SH3PXD2B: variants seen among roughly 807,000 people sequenced by gnomAD.
SH3PXD2B encodes SH3 and PX domains 2B, also known as SH3 and PX domain-containing protein 2B.
A neutral mutation model predicts 73.1 loss-of-function variants in SH3PXD2B; 37 were observed. The ratio of observed to expected loss-of-function variants is 0.51; its 90% confidence interval spans 0.39 to 0.67. The LOEUF is 0.67. Ranked by LOEUF, SH3PXD2B falls within the 30% of genes least tolerant of loss-of-function variation. The pLI, the probability that SH3PXD2B is intolerant of heterozygous loss-of-function variation, is 0.00. For missense variants in SH3PXD2B, 1,053 were observed against 1,197.8 expected (o/e 0.88, Z 1.78); for synonymous variants, 457 against 480.5 (o/e 0.95, Z 0.64).
chr5:172,423,951 G>A (rs1204525299), intron 1 of SH3PXD2B, among the ~76,000 whole-genome samples: 2 of 152,086 alleles, frequency 1.3e-5, no homozygotes, highest in Non-Finnish European at 2.9e-5. Context: ...CCCGCCCTGG[G>A]ACTTTTGCTC....
At chr5:172,356,482 G>A (rs1757280989) in intron 8 of SH3PXD2B, among the ~76,000 whole-genome samples, 1 of 152,184 alleles carries the variant, frequency 6.6e-6, no homozygotes, top group Admixed American at 6.5e-5. Context: ...TTTTTAACCT[G>A]AGAAACTTTA....
chr5:172,443,703 T>C (rs1759599746), intron 1 of SH3PXD2B, among the ~76,000 whole-genome samples: 3 of 152,346 alleles, frequency 2.0e-5, no homozygotes, highest in African/African-American at 7.2e-5. Context: ...CACAGGCTGC[T>C]GATTCACACC....
chr5:172,348,482 A>C (rs1030473996), intron 10 of SH3PXD2B, among the ~76,000 whole-genome samples: 2 of 152,132 alleles, frequency 1.3e-5, no homozygotes, highest in African/African-American at 4.8e-5. Flanking sequence ...GATTGCCTGG[A>C]GCTGCCATAT....
rs1482694613 is a variant in SH3PXD2B at position 172,338,404 on chromosome 5, A to G, written c.2701T>C (p.Trp901Arg). Reference sequence around the variant, plus strand: ...TTTCTGAGATAGTTGGAAGGAATCCACCCTTCCCAGGAAGGGGCTCCGCTC... The same window carrying G: ...TTTCTGAGATAGTTGGAAGGAATCCGCCCTTCCCAGGAAGGGGCTCCGCTC... ...VLSGAPSWEG[W>R]IPSNYLRKKP Residue 901 changes from tryptophan (W) to arginine (R), a missense_variant, in exon 13 of 13, where the codon TGG (tryptophan) becomes CGG (arginine). Trp to Arg is a moderately radical substitution (Grantham distance 101, BLOSUM62 -3). This residue lies in a region of SH3PXD2B where 587 missense variants were observed against 590.7 expected (regional missense o/e 0.99). Coordinates refer to ENST00000311601, the MANE Select transcript of SH3PXD2B (RefSeq NM_001017995.3). The surrounding 1 kb of genome is among the most constrained non-coding windows in gnomAD (Gnocchi z 5.1). 6.2e-7 allele frequency: 1 copy of G among 1,614,068 alleles called. No homozygotes were observed. The highest frequency in any genetic ancestry group is 8.5e-7 in the Non-Finnish European group (1 of 1,179,990).
At chr5:172,416,056 G>A (rs1009155968) in intron 2 of SH3PXD2B, among the ~76,000 whole-genome samples, 3 of 152,176 alleles carry the variant, frequency 2.0e-5, no homozygotes, top group Non-Finnish European at 4.4e-5. Flanking sequence ...AGCCGGGCGC[G>A]GTGGCTCAGG....
chr5:172,333,807 T>C lies in SH3PXD2B; in HGVS notation c.*4562A>G, dbSNP rs1309560919. ...AAGAAATGGCCTGTTACTTGGAAGCTCCCCAAAGCAGGAAATGTGGGTTGT... is the reference window on the plus strand; with the variant it reads ...AAGAAATGGCCTGTTACTTGGAAGCCCCCCAAAGCAGGAAATGTGGGTTGT... On this transcript the variant is annotated 3_prime_UTR_variant, in exon 13 of 13. Transcript: ENST00000311601. The C allele has an allele frequency of 7.8e-7, 1 of 1,288,466 alleles. No homozygotes were observed. The highest frequency in any genetic ancestry group is 1.0e-6 in the Non-Finnish European group (1 of 988,554). The allele number at this position is 1,288,466 out of a possible 1,614,324, so 79.8% of individuals were successfully genotyped here.
chr5:172,354,110 A>G, intron 8 of SH3PXD2B, 105 bp from the exon 9 acceptor site: 1 of 1,140,876 alleles, frequency 8.8e-7, no homozygotes, highest in South Asian at 1.3e-5. Context: ...TTTCCTTCAG[A>G]GATTTCTGGG....
At chr5:172,360,810 C>T (rs1022291033) in intron 7 of SH3PXD2B, among the ~76,000 whole-genome samples, 1 of 152,068 alleles carries the variant, frequency 6.6e-6, no homozygotes, top group Non-Finnish European at 1.5e-5. Flanking sequence ...CCAGCCGGGG[C>T]AACAGAGTGA....
chr5:172,359,336 A>C (rs969732987), intron 7 of SH3PXD2B, among the ~76,000 whole-genome samples: 1 of 137,096 alleles, frequency 7.3e-6, no homozygotes, highest in African/African-American at 2.7e-5. Context: ...GCAGTGAGCT[A>C]TGATTGTGCC....
intron 8 of SH3PXD2B, among the ~76,000 whole-genome samples, chr5:172,355,961 C>T (rs1390765657): frequency 2.0e-5 from 3 of 152,208 alleles, no homozygotes; most frequent in Admixed American, 1.3e-4. Flanking sequence ...GGCTTCCTCC[C>T]GAGCGTGCAT....
intron 3 of SH3PXD2B, among the ~76,000 whole-genome samples, chr5:172,404,450 C>T (rs1386286405): frequency 1.3e-5 from 2 of 152,116 alleles, no homozygotes; most frequent in Non-Finnish European, 2.9e-5. Context: ...CGCCACCACG[C>T]CCAGCTAATT....
intron 2 of SH3PXD2B, among the ~76,000 whole-genome samples, chr5:172,420,699 A>G (rs572136131): frequency 6.6e-6 from 1 of 152,308 alleles, no homozygotes; most frequent in Admixed American, 6.5e-5. Flanking sequence ...CGGCAAGCCC[A>G]TTGGCTGCGA....
intron 1 of SH3PXD2B, among the ~76,000 whole-genome samples, chr5:172,436,331 C>T (rs1359861189): frequency 6.6e-6 from 1 of 152,230 alleles, no homozygotes; most frequent in Non-Finnish European, 1.5e-5. Flanking sequence ...TCTGTGTATG[C>T]TACAGGGTAT....
intron 10 of SH3PXD2B, 115 bp from the exon 11 acceptor site, chr5:172,347,447 G>T: frequency 9.7e-7 from 1 of 1,031,204 alleles, no homozygotes; most frequent in Non-Finnish European, 1.5e-6. Flanking sequence ...TCTGCATGCT[G>T]CTGCAACCCT....
chr5:172,359,009 G>GTTGTGTTCTACC, intron 7 of SH3PXD2B, 132 bp from the exon 8 acceptor site: 1 of 847,324 alleles, frequency 1.2e-6, no homozygotes, highest in Non-Finnish European at 1.9e-6. Flanking sequence ...TTTATTGGTA[G>GTTGTGTTCTACC]AACACAACTA....
chr5:172,394,440 C>T (rs761162601), intron 4 of SH3PXD2B, 123 bp downstream of exon 4: 2 of 958,750 alleles, frequency 2.1e-6, no homozygotes, highest in Non-Finnish European at 3.2e-6. Context: ...GATTTTCCCC[C>T]TAATTTCTTT....
intron 1 of SH3PXD2B, among the ~76,000 whole-genome samples, chr5:172,439,292 C>CAAAAAACAAAAAAAAAAACAAAAA (rs1759485097): frequency 2.3e-5 from 1 of 44,200 alleles, no homozygotes; most frequent in African/African-American, 1.2e-4. Context: ...AAAAAAAAAA[C>CAAAAAACAAAAAAAAAAACAAAAA]CCCAAAAAAA....
At chr5:172,360,913 C>T (rs1451271705) in intron 7 of SH3PXD2B, among the ~76,000 whole-genome samples, 2 of 152,148 alleles carry the variant, frequency 1.3e-5, no homozygotes, top group African/African-American at 4.8e-5. Context: ...CCTAAAGAAA[C>T]ACTGACGTGC....
downstream of SH3PXD2B, among the ~76,000 whole-genome samples, chr5:172,328,785 A>G (rs888598080): frequency 6.6e-6 from 1 of 151,842 alleles, no homozygotes; most frequent in African/African-American, 2.4e-5. Context: ...CTAGTAGGAG[A>G]GAGGCTGAGC....
Sources: gnomAD v4.1 joint callset for allele counts (sites outside exome capture counted in the v4.1 genomes callset) on GRCh38, gnomAD v4.1.1 for gene constraint, gnomAD v4.1.1 regional missense constraint, Gnocchi (gnomAD v3.1) non-coding constraint, MANE v1.5 for transcripts, NCBI Gene and HGNC (gene_info 2026-07-23, HGNC 2026-07-21) for gene names.